DBF4B: variants seen among roughly 807,000 people sequenced by gnomAD.
DBF4B encodes the protein DBF4B-CDC7 kinase regulatory subunit.
A neutral mutation model predicts 53.4 loss-of-function variants in DBF4B; 49 were observed. The observed-to-expected ratio is 0.92, with a 90% CI of 0.73 to 1.16. The LOEUF is 1.16. DBF4B is among the 50% of genes most tolerant of loss of function. The pLI is 0.00. For missense variants in DBF4B, 692 were observed against 775.0 expected, an observed-to-expected ratio of 0.89 and a Z score of 1.27; for synonymous variants, 257 against 288.7, an observed-to-expected ratio of 0.89 and a Z score of 1.11.
At chr17:44,723,860 C>T (rs1974062276) in intron 3 of DBF4B, among the ~76,000 whole-genome samples, 1 of 152,136 alleles carries the variant, frequency 6.6e-6, no homozygotes, top group Non-Finnish European at 1.5e-5. Context: ...ACTGTCCTCC[C>T]AGCACTTCGG....
At position 44,751,806 on chromosome 17, in the gene DBF4B, A is replaced by C; in HGVS notation, c.*553A>C. 1 of 1,528,066 alleles carries C rather than the reference A, an allele frequency of 6.5e-7. No individual in the cohort carries two copies. The highest frequency in any genetic ancestry group is 8.8e-7 in the Non-Finnish European group (1 of 1,142,180). 94.7% of individuals were successfully genotyped at this position (1,528,066 alleles called of 1,614,324 possible). A position where few individuals can be genotyped will look rare whatever the true frequency, so the allele number is the denominator to read the frequency against. ...GGTCATGGACAGGCTACTGGTGACC[A>C]AAGTTGGTTCCTTTTCTCCTTTCTT... On this transcript the variant is annotated 3_prime_UTR_variant, in exon 14 of 14. Transcript: ENST00000315005.
chr17:44,721,863 G>C (rs538212537), intron 2 of DBF4B, among the ~76,000 whole-genome samples: 2 of 151,700 alleles, frequency 1.3e-5, no homozygotes, highest in Non-Finnish European at 2.9e-5. Flanking sequence ...GGCCAGGCAT[G>C]GTGGCTCGCG....
At chr17:44,745,278 G>A (rs1227688851) in intron 10 of DBF4B, among the ~76,000 whole-genome samples, 1 of 152,102 alleles carries the variant, frequency 6.6e-6, no homozygotes, top group East Asian at 1.9e-4. Flanking sequence ...GCCTCCCTGA[G>A]CAGAGAAGTT....
In DBF4B at chr17:44,741,383, C is replaced by A. The variant is rs774436262; in HGVS notation, c.761C>A (p.Ser254Tyr). 1.2e-6 allele frequency: 2 copies of A among 1,613,734 alleles called. No individual in the cohort carries two copies. Among genetic ancestry groups the A allele is most frequent in the South Asian group, 1.1e-5 (1 of 91,052 alleles). Residue 254 changes from serine to tyrosine, a missense_variant, in exon 10 of 14, where the codon TCT becomes TAT. Transcript: ENST00000315005. ...HHQFKSFPEI[S>Y]FLGPKDASPF... ...CAGTTTAAATCCTTTCCTGAAATTT[C>A]TTTTCTTGGACCCAAAGATGCAAGT...
intron 3 of DBF4B, among the ~76,000 whole-genome samples, chr17:44,729,414 C>T (rs1210826734): frequency 6.6e-6 from 1 of 151,900 alleles, no homozygotes; most frequent in East Asian, 1.9e-4. Flanking sequence ...CTATGTTGCC[C>T]AGGCAGGTCT....
At chr17:44,722,715 A>T (rs1261416814) in intron 2 of DBF4B, among the ~76,000 whole-genome samples, 165 bp from the exon 3 acceptor site, 1 of 152,178 alleles carries the variant, frequency 6.6e-6, no homozygotes, top group East Asian at 1.9e-4. Context: ...ATTTCACCAC[A>T]TCTGAGCTTC....
intron 1 of DBF4B, 162 bp downstream of exon 1, chr17:44,709,001 G>A: frequency 1.0e-6 from 1 of 989,282 alleles, no homozygotes; most frequent in Non-Finnish European, 1.5e-6. Context: ...TGAGGGGACC[G>A]AGGAATGAAG....
chr17:44,740,962 C>T (rs1291174973), intron 9 of DBF4B, among the ~76,000 whole-genome samples: 4 of 151,996 alleles, frequency 2.6e-5, no homozygotes, highest in Non-Finnish European at 4.4e-5. Flanking sequence ...AGTGAAACCC[C>T]GTCTCTACTA....
rs1250878349 is a variant in DBF4B at position 44,741,408 on chromosome 17, T to C, written c.786T>C (p.Ser262=). The change falls in exon 10 of 14, where the codon AGT becomes AGC. Residue 262 remains serine (S), a synonymous_variant. Coordinates refer to ENST00000315005, the MANE Select transcript of DBF4B (RefSeq NM_145663.3). ...EISFLGPKDA[S]PFEAPTTLGS... ...CTTTTCTTGGACCCAAAGATGCAAG[T>C]CCCTTTGAGGCCCCGACGACCCTGG... 6.2e-7 allele frequency: 1 copy of C among 1,613,696 alleles called. No homozygotes were observed. The highest frequency in any genetic ancestry group is 2.2e-5 in the East Asian group (1 of 44,864).
intron 2 of DBF4B, among the ~76,000 whole-genome samples, chr17:44,718,562 A>G (rs906353158): frequency 6.6e-6 from 1 of 151,882 alleles, no homozygotes; most frequent in Non-Finnish European, 1.5e-5. Flanking sequence ...TTTGTTTGGT[A>G]CGTCCACATG....
chr17:44,727,472 A>G (rs1188233691), intron 3 of DBF4B, among the ~76,000 whole-genome samples: 1 of 152,112 alleles, frequency 6.6e-6, no homozygotes, highest in Admixed American at 6.6e-5. Flanking sequence ...AAAGAGACTA[A>G]TAACTGGGGA....
In DBF4B at chr17:44,723,039, T is replaced by C. The variant is rs367847483; in HGVS notation, c.225+17T>C. On this transcript the variant is annotated intron_variant, in intron 3 of 13. Coordinates refer to ENST00000315005, the MANE Select transcript of DBF4B (RefSeq NM_145663.3). ...CTGGGTGGGGTAGGTAACCTGCTCT[T>C]CTCCTGCGATGCCATGTGCCTTTGC... The C allele has an allele frequency of 1.4e-5, 22 of 1,613,410 alleles. No homozygotes were observed. Among genetic ancestry groups the C allele is most frequent in the Non-Finnish European group, 1.6e-5 (19 of 1,179,744 alleles).
chr17:44,710,048 C>T lies in DBF4B; in HGVS notation c.82+682C>T, dbSNP rs1046181442. 3.3e-5 allele frequency among the ~76,000 whole-genome samples: 5 copies of T among 151,966 alleles called. No homozygotes were observed. The East Asian group carries it at 7.7e-4, about 23-fold the overall frequency. ...ATTAGGCGGGCGTGGTGAGGCGTGCCTGTAGTCCCAGCTACTCAGGAGGCT... is the reference window on the plus strand; with the variant it reads ...ATTAGGCGGGCGTGGTGAGGCGTGCTTGTAGTCCCAGCTACTCAGGAGGCT... On this transcript the variant is annotated intron_variant, in intron 2 of 13. Coordinates refer to ENST00000315005, the MANE Select transcript of DBF4B (RefSeq NM_145663.3).
At chr17:44,710,976 A>ATTTTTTTTTTTTTTTTTTTT (rs10522434) in intron 2 of DBF4B, among the ~76,000 whole-genome samples, 5 of 98,304 alleles carry the variant, frequency 5.1e-5, no homozygotes, top group Non-Finnish European at 7.7e-5. Context: ...TTCCAGTTTG[A>ATTTTTTTTTTTTTTTTTTTT]TTTTTTTTTT....
intron 11 of DBF4B, 83 bp downstream of exon 11, chr17:44,747,274 T>A: frequency 2.5e-6 from 4 of 1,595,490 alleles, no homozygotes; most frequent in Non-Finnish European, 3.4e-6. Context: ...TCCTATGCGA[T>A]CTCTATGCTG....
At position 44,723,041 on chromosome 17, in the gene DBF4B, T is replaced by C; in HGVS notation, c.225+19T>C. On this transcript the variant is annotated intron_variant, in intron 3 of 13. Transcript: ENST00000315005. ...GGGTGGGGTAGGTAACCTGCTCTTC[T>C]CCTGCGATGCCATGTGCCTTTGCAG... 1 of 1,613,398 alleles carries C rather than the reference T, an allele frequency of 6.2e-7. No homozygotes were observed. The highest frequency in any genetic ancestry group is 1.1e-5 in the South Asian group (1 of 91,032).
chr17:44,748,896 G>T (rs1274666678), intron 13 of DBF4B: 5 of 1,290,134 alleles, frequency 3.9e-6, no homozygotes, highest in Non-Finnish European at 5.1e-6. Context: ...GCCACTCACA[G>T]ACCTGCCTCT....
chr17:44,714,450 G>C (rs1299896225), intron 2 of DBF4B, among the ~76,000 whole-genome samples: 1 of 151,970 alleles, frequency 6.6e-6, no homozygotes, highest in Admixed American at 6.6e-5. Context: ...TGCCGATGTG[G>C]TAACAGTCTC....
Position 44,750,863 on chromosome 17 carries a change from G to A in DBF4B, c.1458G>A (p.Ala486=), listed in dbSNP as rs1156354839. 9 of 1,614,170 alleles carry A rather than the reference G, an allele frequency of 5.6e-6. No individual in the cohort carries two copies. Among genetic ancestry groups the A allele is most frequent in the Non-Finnish European group, 7.6e-6 (9 of 1,180,030 alleles). The change falls in exon 14 of 14, where the codon GCG becomes GCA. Residue 486 remains alanine, a synonymous_variant. Coordinates refer to ENST00000315005, the MANE Select transcript of DBF4B (RefSeq NM_145663.3). The part of the protein sequence containing the change: ...HPSQENSFAP[A]DIPVKGPLLF... ...CCCAAGAAAACTCCTTTGCCCCGGC[G>A]GACATTCCTGTTAAGGGCCCACTCC... is the stretch of plus-strand genomic sequence containing the variant.
Sources: allele counts gnomAD v4.1 joint callset (sites outside exome capture counted in the v4.1 genomes callset), GRCh38; gene constraint gnomAD v4.1.1; transcripts MANE v1.5; gene names NCBI Gene and HGNC (gene_info 2026-07-23, HGNC 2026-07-21).